APCDD1: variants seen among roughly 807,000 people sequenced by gnomAD.
The protein encoded by APCDD1 is APC down-regulated 1.
APCDD1 carries 15 observed loss-of-function variants against 38.1 expected under a neutral mutation model. The ratio of observed to expected loss-of-function variants is 0.39; its 90% confidence interval spans 0.26 to 0.61. The LOEUF (loss-of-function observed/expected upper bound fraction) is 0.61, where lower values mean the gene tolerates loss of function less well. APCDD1 is among the 20% of genes least tolerant of loss of function. The probability of loss-of-function intolerance (pLI) is 0.49; values close to 1 mark genes in which losing one functional copy is unlikely to be tolerated. For missense variants in APCDD1, 647 were observed against 696.2 expected, an observed-to-expected ratio of 0.93 and a Z score of 0.79; for synonymous variants, 261 against 279.7, an observed-to-expected ratio of 0.93 and a Z score of 0.67.
rs1894157011 is a variant in APCDD1 at position 10,469,446 on chromosome 18, G to C, written c.242+794G>C. ...TCCAAATAACCACGATAAACAATTT[G>C]TATAAACAACCTTCATGTTACATAC... On this transcript the variant is annotated intron_variant, in intron 2 of 4. Transcript: ENST00000355285. This position sits in a 1 kb window ranked among gnomAD's most constrained non-coding sequence, Gnocchi z 5.5. 6.6e-6 allele frequency among the ~76,000 whole-genome samples: 1 copy of C among 152,170 alleles called. No homozygotes were observed. The highest frequency in any genetic ancestry group is 2.4e-5 in the African/African-American group (1 of 41,452).
At chr18:10,459,877 T>C (rs1264151771) in intron 1 of APCDD1, among the ~76,000 whole-genome samples, 1 of 152,172 alleles carries the variant, frequency 6.6e-6, no homozygotes, top group Non-Finnish European at 1.5e-5. Flanking sequence ...CTTTTCTCAG[T>C]CTGATTATTA....
intron 1 of APCDD1, among the ~76,000 whole-genome samples, chr18:10,458,502 T>C (rs974992918): frequency 1.3e-5 from 2 of 152,080 alleles, no homozygotes; most frequent in Admixed American, 6.5e-5. Context: ...AAAAAGAAAA[T>C]GAAGTCTTGA....
intron 1 of APCDD1, among the ~76,000 whole-genome samples, chr18:10,455,534 G>A (rs2030358013): frequency 6.6e-6 from 1 of 152,240 alleles, no homozygotes; most frequent in Non-Finnish European, 1.5e-5. Flanking sequence ...CTGAAAACTA[G>A]TGTTTGTTGT....
Position 10,487,955 on chromosome 18 carries a change from G to T in APCDD1, c.1462G>T (p.Ala488Ser). The T allele has an allele frequency of 3.1e-6, 5 of 1,613,800 alleles. No individual in the cohort carries two copies. Among genetic ancestry groups the T allele is most frequent in the Non-Finnish European group, 4.2e-6 (5 of 1,179,972 alleles). Residue 488 changes from alanine (A) to serine (S), a missense_variant, in exon 5 of 5, where the codon GCC becomes TCC. Physicochemically the swap from Ala to Ser is moderately conservative, Grantham distance 99. Transcript: ENST00000355285. ...CAGTGGAAGCAGCCTGTATGGCCGG[G>T]CCCCTGGGAGGCACACCTGGTCCCT... ...EDSGSSLYGR[A>S]PGRHTWSLLL... is the part of the protein sequence containing the mutation.
intron 3 of APCDD1, among the ~76,000 whole-genome samples, chr18:10,482,620 C>T (rs1359603123): frequency 6.6e-6 from 1 of 152,230 alleles, no homozygotes; most frequent in Non-Finnish European, 1.5e-5. Flanking sequence ...CACAAGAGAA[C>T]ACCACCTTCC....
Position 10,476,878 on chromosome 18 carries a change from C to T in APCDD1, c.774+4817C>T, listed in dbSNP as rs2031014860. Reference sequence around the variant, plus strand: ...CTCAAATTCTTTAGGAGCCGCTAGGCTGGAGCCAGCATATGTTTTTGAGGT... The same window carrying T: ...CTCAAATTCTTTAGGAGCCGCTAGGTTGGAGCCAGCATATGTTTTTGAGGT... On this transcript the variant is annotated intron_variant, in intron 3 of 4. Coordinates refer to ENST00000355285, the MANE Select transcript of APCDD1 (RefSeq NM_153000.5). The surrounding 1 kb of genome is among the most constrained non-coding windows in gnomAD (Gnocchi z 5.8). The T allele has an allele frequency of 1.3e-5, 2 of 152,258 alleles. No homozygotes were observed. The highest frequency in any genetic ancestry group is 4.1e-4 in the South Asian group (2 of 4,832). 9.4% of individuals were successfully genotyped at this position (152,258 alleles called of 1,614,324 possible).
At chr18:10,473,226 G>A (rs1487375408) in intron 3 of APCDD1, among the ~76,000 whole-genome samples, 1 of 152,122 alleles carries the variant, frequency 6.6e-6, no homozygotes, top group Non-Finnish European at 1.5e-5. Flanking sequence ...ATGTTATTGT[G>A]AGCTTGTGCA....
chr18:10,459,166 C>T (rs940784730), intron 1 of APCDD1, among the ~76,000 whole-genome samples: 2 of 152,140 alleles, frequency 1.3e-5, no homozygotes, highest in Non-Finnish European at 2.9e-5. Flanking sequence ...GTCCACTGGC[C>T]GAAAGGTAGC....
At chr18:10,459,273 C>T (rs1428893091) in intron 1 of APCDD1, among the ~76,000 whole-genome samples, 1 of 151,994 alleles carries the variant, frequency 6.6e-6, no homozygotes, top group Non-Finnish European at 1.5e-5. Flanking sequence ...TGGCACACTG[C>T]AGTTGATTGC....
chr18:10,484,224 C>T (rs1016337505), intron 3 of APCDD1, among the ~76,000 whole-genome samples: 18 of 152,214 alleles, frequency 1.2e-4, no homozygotes, highest in African/African-American at 4.3e-4. Context: ...GCGGGCAGAC[C>T]GGGACAGAGG....
rs983846516 is a variant in APCDD1 at position 10,476,322 on chromosome 18, A to G, written c.774+4261A>G. On this transcript the variant is annotated intron_variant, in intron 3 of 4. Coordinates refer to ENST00000355285, the MANE Select transcript of APCDD1 (RefSeq NM_153000.5). This position sits in a 1 kb window ranked among gnomAD's most constrained non-coding sequence, Gnocchi z 5.8. ...TATACAGCTTTGCTGTGAGGTCCAGAGTCCTTTGGCAAATAAGTGACGTTT... is the reference window on the plus strand; with the variant it reads ...TATACAGCTTTGCTGTGAGGTCCAGGGTCCTTTGGCAAATAAGTGACGTTT... 6.6e-6 allele frequency: 1 copy of G among 152,264 alleles called. No individual in the cohort carries two copies. The highest frequency in any genetic ancestry group is 1.5e-5 in the Non-Finnish European group (1 of 68,048). 9.4% of individuals were successfully genotyped at this position (152,264 alleles called of 1,614,324 possible).
Position 10,488,164 on chromosome 18 carries a change from C to T in APCDD1, c.*126C>T, listed in dbSNP as rs2031291670. ...GCCAGAGAACTGTCCTTCTTTTTCT[C>T]CTCTCCCTCCCTCCCAGCCCCTGAG... On this transcript the variant is annotated 3_prime_UTR_variant, in exon 5 of 5. Coordinates refer to ENST00000355285, the MANE Select transcript of APCDD1 (RefSeq NM_153000.5). 1 of 1,162,894 alleles carries T rather than the reference C, an allele frequency of 8.6e-7. No homozygotes were observed. The highest frequency in any genetic ancestry group is 1.2e-6 in the Non-Finnish European group (1 of 817,622). The allele number at this position is 1,162,894 out of a possible 1,614,324, so 72.0% of individuals were successfully genotyped here.
intron 1 of APCDD1, among the ~76,000 whole-genome samples, chr18:10,461,023 CTG>C (rs910938633): frequency 3.0e-4 from 46 of 152,268 alleles, no homozygotes; most frequent in African/African-American, 7.9e-4. Context: ...TTAGGTAACT[CTG>C]TTTTTAAAAT....
rs1036302530 is a variant in APCDD1 at position 10,472,217 on chromosome 18, G to C, written c.774+156G>C. 7.2e-5 allele frequency among the ~76,000 whole-genome samples: 11 copies of C among 152,168 alleles called. No individual in the cohort carries two copies. Among genetic ancestry groups the C allele is most frequent in the African/African-American group, 2.7e-4 (11 of 41,444 alleles). On this transcript the variant is annotated intron_variant, in intron 3 of 4. Transcript: ENST00000355285. This position sits in a 1 kb window ranked among gnomAD's most constrained non-coding sequence, Gnocchi z 6.6. Reference sequence around the variant, plus strand: ...GGCTGCTGCGAGGTGGGAGGAGATGGGAAAGGCTGGGGCTGAGGGTGCTTT... The same window carrying C: ...GGCTGCTGCGAGGTGGGAGGAGATGCGAAAGGCTGGGGCTGAGGGTGCTTT...
intron 3 of APCDD1, among the ~76,000 whole-genome samples, chr18:10,479,862 G>C (rs1357250324): frequency 6.6e-6 from 1 of 152,142 alleles, no homozygotes; most frequent in Non-Finnish European, 1.5e-5. Flanking sequence ...GAGCAGAGTA[G>C]GCAGAACCCC....
chr18:10,455,435 A>G (rs2030355140), intron 1 of APCDD1, among the ~76,000 whole-genome samples: 2 of 152,234 alleles, frequency 1.3e-5, no homozygotes, highest in African/African-American at 2.4e-5. Context: ...CCAAAATGCC[A>G]GAATGCAGCA....
chr18:10,467,574 C>T lies in APCDD1; in HGVS notation c.59-895C>T, dbSNP rs775890626. 1.2e-4 allele frequency among the ~76,000 whole-genome samples: 19 copies of T among 152,166 alleles called. No individual in the cohort carries two copies. Among genetic ancestry groups the T allele is most frequent in the Non-Finnish European group, 2.5e-4 (17 of 68,042 alleles). On this transcript the variant is annotated intron_variant, in intron 1 of 4. Transcript: ENST00000355285. This position sits in a 1 kb window ranked among gnomAD's most constrained non-coding sequence, Gnocchi z 4.8. ...GTAGTTTTGCATGGGTAGATTGTGG[C>T]CAACCTGCATGACTCGTTCTGAAGA...
At chr18:10,461,630 A>T (rs970239177) in intron 1 of APCDD1, among the ~76,000 whole-genome samples, 1 of 152,228 alleles carries the variant, frequency 6.6e-6, no homozygotes, top group Non-Finnish European at 1.5e-5. Flanking sequence ...AGTCATTATC[A>T]TCATGATCAT....
At chr18:10,455,065 G>T in intron 1 of APCDD1, 26 bp downstream of exon 1, 2 of 1,553,750 alleles carry the variant, frequency 1.3e-6, no homozygotes, top group South Asian at 2.4e-5. Flanking sequence ...CCACTCGAGC[G>T]CTCCCAGCCG....
Sources: allele counts gnomAD v4.1 joint callset (sites outside exome capture counted in the v4.1 genomes callset), GRCh38; gene constraint gnomAD v4.1.1; non-coding constraint Gnocchi (gnomAD v3.1); transcripts MANE v1.5; gene names NCBI Gene and HGNC (gene_info 2026-07-23, HGNC 2026-07-21).